Variants in CDH18 observed in about 807,000 individuals in gnomAD.
CDH18 encodes cadherin 18, also known as cadherin-18.
Under a neutral mutation model 67.9 loss-of-function variants are expected in CDH18, and 31 were observed. The observed-to-expected ratio is 0.46, with a 90% CI of 0.34 to 0.62. The LOEUF (loss-of-function observed/expected upper bound fraction) is 0.62, where lower values mean the gene tolerates loss of function less well. CDH18 is among the 20% of genes least tolerant of loss of function. CDH18 has a pLI of 0.01. For synonymous variants in CDH18, 362 were observed against 347.2 expected (o/e 1.04, Z -0.48); for missense variants, 890 against 975.5 (o/e 0.91, Z 1.17).
intron 2 of CDH18, among the ~76,000 whole-genome samples, chr5:20,019,819 G>A (rs1198439394): frequency 1.3e-5 from 2 of 152,312 alleles, no homozygotes; most frequent in East Asian, 1.9e-4. Context: ...AAGCAGCTTT[G>A]GAACTGGGTA....
Position 20,233,680 on chromosome 5 carries a change from T to G in CDH18, c.-518+21764A>C, listed in dbSNP as rs191979721. ...CATGTGTATTTATTTAAGAATGAATTTATTTTCTTTATTGTATTCAAACCT... is the reference window on the plus strand; with the variant it reads ...CATGTGTATTTATTTAAGAATGAATGTATTTTCTTTATTGTATTCAAACCT... On this transcript the variant is annotated intron_variant, in intron 2 of 14. Transcript: ENST00000507958. Among the ~76,000 whole-genome samples the G allele has an allele frequency of 2.0e-5, 3 of 152,156 alleles. No individual in the cohort carries two copies. The East Asian group carries it at 5.8e-4, about 29-fold the overall frequency.
At chr5:20,410,477 G>T (rs1746672840) in intron 1 of CDH18, among the ~76,000 whole-genome samples, 1 of 151,372 alleles carries the variant, frequency 6.6e-6, no homozygotes, top group South Asian at 2.1e-4. Context: ...TAGAAGAAAA[G>T]TACCTCAATA....
chr5:20,235,577 A>G (rs757370942), intron 2 of CDH18, among the ~76,000 whole-genome samples: 12 of 152,348 alleles, frequency 7.9e-5, no homozygotes, highest in Middle Eastern at 6.8e-3. Flanking sequence ...ACAATGATAG[A>G]TCATCTCACA....
chr5:20,565,771 A>AG (rs397885100), intron 1 of CDH18, among the ~76,000 whole-genome samples: 3 of 150,586 alleles, frequency 2.0e-5, no homozygotes, highest in Non-Finnish European at 1.5e-5. Flanking sequence ...AAAAAAAAAA[A>AG]GTTCCAGCAT....
intron 1 of CDH18, among the ~76,000 whole-genome samples, chr5:20,561,693 T>C (rs1758227762): frequency 1.3e-5 from 2 of 151,908 alleles, no homozygotes; most frequent in South Asian, 2.1e-4. Flanking sequence ...TATATATTTG[T>C]CAAAGCACAT....
In CDH18 at chr5:19,587,836, T is replaced by C. The variant is rs191658287; in HGVS notation, c.999+3221A>G. On this transcript the variant is annotated intron_variant, in intron 7 of 12. Transcript: ENST00000382275. ...CTAATTCTCTGAAGAATGTTAATGATAGTTTCATGGAAATAGCACTGAATC... is the reference window on the plus strand; with the variant it reads ...CTAATTCTCTGAAGAATGTTAATGACAGTTTCATGGAAATAGCACTGAATC... Among the ~76,000 whole-genome samples the C allele has an allele frequency of 2.0e-3, 301 of 152,228 alleles. 1 individual carries two copies. The Middle Eastern group carries it at 0.024, about 12-fold the overall frequency.
chr5:20,442,574 G>A (rs1328734482), intron 1 of CDH18, among the ~76,000 whole-genome samples: 1 of 151,724 alleles, frequency 6.6e-6, no homozygotes, highest in Non-Finnish European at 1.5e-5. Flanking sequence ...TGTCATAAAA[G>A]TAACAGTCAC....
At chr5:20,431,504 A>AAAAAAAAAAAAAAAAAAAAAAAGAAG (rs536468948) in intron 1 of CDH18, among the ~76,000 whole-genome samples, 2 of 138,744 alleles carry the variant, frequency 1.4e-5, no homozygotes, top group African/African-American at 2.7e-5. Context: ...AAAAAAAAAA[A>AAAAAAAAAAAAAAAAAAAAAAAGAAG]AAGAAGAAGA....
chr5:19,953,100 G>C (rs1433798759), intron 2 of CDH18, among the ~76,000 whole-genome samples: 1 of 151,890 alleles, frequency 6.6e-6, no homozygotes, highest in African/African-American at 2.4e-5. Flanking sequence ...ATCTATTTTG[G>C]GGTTCACAGG....
At chr5:19,520,930 C>T in intron 9 of CDH18, 152 bp from the exon 10 acceptor site, 2 of 691,368 alleles carry the variant, frequency 2.9e-6, no homozygotes, top group Middle Eastern at 6.1e-4. Context: ...GCGCTCTTTG[C>T]TAGAACTCAT....
intron 2 of CDH18, among the ~76,000 whole-genome samples, chr5:20,163,713 T>G (rs1260259570): frequency 6.6e-6 from 1 of 152,164 alleles, no homozygotes; most frequent in Non-Finnish European, 1.5e-5. Context: ...AAGAAGTGAG[T>G]ATGAAGGTTA....
chr5:19,826,733 G>A (rs1192258006), intron 3 of CDH18, among the ~76,000 whole-genome samples: 2 of 152,176 alleles, frequency 1.3e-5, no homozygotes, highest in Admixed American at 6.6e-5. Context: ...CCTTATGGGA[G>A]TGCCATAGAT....
chr5:19,743,277 C>G lies in CDH18; in HGVS notation c.523+3665G>C, dbSNP rs1581154935. On this transcript the variant is annotated intron_variant, in intron 4 of 12. Coordinates refer to ENST00000382275, the MANE Select transcript of CDH18 (RefSeq NM_004934.5). ...ATAGTCCAGTAGGGCTGGCAGAACA[C>G]TAACTGCTATAGATCAGCAGATACC... 2.0e-5 allele frequency among the ~76,000 whole-genome samples: 3 copies of G among 152,316 alleles called. No individual in the cohort carries two copies. The South Asian group carries it at 6.2e-4, about 32-fold the overall frequency.
chr5:20,116,503 G>C (rs899718502), intron 2 of CDH18, among the ~76,000 whole-genome samples: 4 of 150,694 alleles, frequency 2.7e-5, no homozygotes, highest in African/African-American at 9.8e-5. Context: ...GTGACAGAGA[G>C]AGACTCCCTC....
chr5:19,938,762 A>G (rs1358130040), intron 2 of CDH18, among the ~76,000 whole-genome samples: 2 of 151,474 alleles, frequency 1.3e-5, no homozygotes, highest in Non-Finnish European at 3.0e-5. Flanking sequence ...TTATAAAGGT[A>G]CTCTGTATAC....
rs1756877907 is a variant in CDH18 at position 20,538,898 on chromosome 5, G to GTTTGT, written c.-580+36563_-580+36564insACAAA. On this transcript the variant is annotated intron_variant, in intron 1 of 14. Transcript: ENST00000507958. ...TGGATATACATCCACATAGCCAACT[G>GTTTGT]TTTTTTTTTTGTTTTTTTTTTTTTT... Among the ~76,000 whole-genome samples the GTTTGT allele has an allele frequency of 5.6e-5, 6 of 106,770 alleles. No homozygotes were observed. The South Asian group carries it at 2.3e-3, about 40-fold the overall frequency. The allele number at this position is 106,770 out of a possible 152,430, so 70.0% of individuals were successfully genotyped here.
At chr5:20,368,085 G>T (rs1742669316) in intron 1 of CDH18, among the ~76,000 whole-genome samples, 1 of 152,060 alleles carries the variant, frequency 6.6e-6, no homozygotes, top group African/African-American at 2.4e-5. Context: ...GGACTCCTGG[G>T]GTGAAATGTG....
At chr5:19,844,329 T>C (rs975710627) in intron 2 of CDH18, among the ~76,000 whole-genome samples, 4 of 152,146 alleles carry the variant, frequency 2.6e-5, no homozygotes, top group East Asian at 1.9e-4. Flanking sequence ...TAGTCCCCCA[T>C]GCTCTTCTCA....
chr5:20,035,226 G>C (rs989943039), intron 2 of CDH18, among the ~76,000 whole-genome samples: 4 of 151,976 alleles, frequency 2.6e-5, no homozygotes, highest in African/African-American at 7.3e-5. Flanking sequence ...TTTTATGACT[G>C]CATAAATCAT....
Sources: allele counts gnomAD v4.1 joint callset (sites outside exome capture counted in the v4.1 genomes callset), GRCh38; gene constraint gnomAD v4.1.1; transcripts MANE v1.5; gene names NCBI Gene and HGNC (gene_info 2026-07-23, HGNC 2026-07-21).